CCSER1: variants seen among roughly 807,000 people sequenced by gnomAD.
CCSER1 encodes the protein serine-rich coiled-coil domain-containing protein 1.
In CCSER1, 41 loss-of-function variants were observed where a neutral mutation model predicts 82.0. The ratio of observed to expected loss-of-function variants is 0.50; its 90% CI spans 0.39 to 0.65. The LOEUF (loss-of-function observed/expected upper bound fraction) is 0.65, where lower values mean the gene tolerates loss of function less well. CCSER1 is among the 30% of genes least tolerant of loss of function. CCSER1 has a pLI of 0.00. For missense variants in CCSER1, 1,119 were observed against 1,064.2 expected (o/e 1.05, Z -0.72); for synonymous variants, 414 against 383.9 (o/e 1.08, Z -0.92).
intron 10 of CCSER1, among the ~76,000 whole-genome samples, chr4:91,262,164 G>T (rs1445256252): frequency 1.3e-5 from 2 of 152,050 alleles, no homozygotes; most frequent in African/African-American, 2.4e-5. Flanking sequence ...CAAACTATTT[G>T]GGTTCGAATC....
intron 5 of CCSER1, among the ~76,000 whole-genome samples, chr4:90,519,552 G>T (rs945073675): frequency 6.6e-6 from 1 of 151,636 alleles, no homozygotes; most frequent in African/African-American, 2.4e-5. Flanking sequence ...TTTTTGAATT[G>T]GTATTAATAC....
intron 5 of CCSER1, among the ~76,000 whole-genome samples, chr4:90,587,997 G>A (rs1243276348): frequency 2.0e-5 from 3 of 152,172 alleles, no homozygotes; most frequent in Non-Finnish European, 2.9e-5. Flanking sequence ...TCTATTAAAT[G>A]TGCGATAGCA....
chr4:91,085,308 A>G (rs967328556), intron 9 of CCSER1, among the ~76,000 whole-genome samples: 5 of 152,122 alleles, frequency 3.3e-5, no homozygotes. Context: ...AATTTATCAG[A>G]TTAGAGCAAA....
chr4:90,570,732 C>G (rs1299787309), intron 5 of CCSER1, among the ~76,000 whole-genome samples: 3 of 152,166 alleles, frequency 2.0e-5, no homozygotes. Flanking sequence ...GGTCTCCACA[C>G]TGGAGCACTG....
At chr4:91,317,849 G>T (rs1316435906) in intron 10 of CCSER1, among the ~76,000 whole-genome samples, 1 of 151,874 alleles carries the variant, frequency 6.6e-6, no homozygotes, top group Non-Finnish European at 1.5e-5. Context: ...GGGGCTTACT[G>T]AAAATTATAA....
chr4:90,978,844 A>G lies in CCSER1; in HGVS notation c.2172+55397A>G, dbSNP rs538449362. Among the ~76,000 whole-genome samples, 43 of 151,920 alleles carry G rather than the reference A, an allele frequency of 2.8e-4. No homozygotes were observed. In the South Asian group the frequency reaches 7.7e-3, roughly 27 times the overall value. On this transcript the variant is annotated intron_variant, in intron 9 of 10. Transcript: ENST00000509176. ...GCTTGTGTGATGAAGCTCAGCTCCT[A>G]TAAAATTTCACTTCAAAAACAGCCC...
chr4:91,419,050 A>G (rs571813995), intron 10 of CCSER1, among the ~76,000 whole-genome samples: 2 of 152,104 alleles, frequency 1.3e-5, no homozygotes, highest in Middle Eastern at 3.4e-3. Flanking sequence ...CACGATAACA[A>G]CTGTCAACAA....
chr4:90,906,284 A>T (rs1184133212), intron 8 of CCSER1, among the ~76,000 whole-genome samples: 1 of 152,144 alleles, frequency 6.6e-6, no homozygotes, highest in African/African-American at 2.4e-5. Flanking sequence ...CATGGCACTC[A>T]GAATTTCTTG....
chr4:90,932,217 G>T (rs1729910967), intron 9 of CCSER1, among the ~76,000 whole-genome samples: 1 of 152,046 alleles, frequency 6.6e-6, no homozygotes, highest in Non-Finnish European at 1.5e-5. Flanking sequence ...ATACCAAAAA[G>T]AATGTAATTT....
intron 10 of CCSER1, among the ~76,000 whole-genome samples, chr4:91,216,555 C>A (rs1045542409): frequency 2.0e-5 from 3 of 152,076 alleles, no homozygotes; most frequent in Admixed American, 1.3e-4. Context: ...CTCCTGACTT[C>A]GTGATCCACC....
At chr4:91,505,978 C>A (rs1759462825) in intron 10 of CCSER1, among the ~76,000 whole-genome samples, 1 of 152,082 alleles carries the variant, frequency 6.6e-6, no homozygotes, top group South Asian at 2.1e-4. Context: ...GTTGCAATTG[C>A]TTTTGATGTT....
In CCSER1 at chr4:90,757,759, G is replaced by A. The variant is rs193017710; in HGVS notation, c.2010+33768G>A. The stretch of plus-strand genomic sequence containing the variant: ...TGCTTCAAACTCAGTTTTAACAGTA[G>A]GGAAGTAAGCCAAGGAGCACATCAA... On this transcript the variant is annotated intron_variant, in intron 7 of 10. Transcript: ENST00000509176. Among the ~76,000 whole-genome samples, 10 of 152,114 alleles carry A rather than the reference G, an allele frequency of 6.6e-5. No homozygotes were observed. The East Asian group carries it at 9.7e-4, about 15-fold the overall frequency.
At chr4:90,505,175 G>T (rs546121405) in intron 5 of CCSER1, among the ~76,000 whole-genome samples, 11 of 152,166 alleles carry the variant, frequency 7.2e-5, no homozygotes, top group Non-Finnish European at 1.6e-4. Context: ...AAGTAAAATT[G>T]CCAGTTATTA....
intron 6 of CCSER1, among the ~76,000 whole-genome samples, chr4:90,658,747 G>A (rs553635345): frequency 5.8e-4 from 88 of 152,180 alleles, no homozygotes; most frequent in African/African-American, 1.2e-3. Flanking sequence ...ACAGCTGTGC[G>A]TGTAAAGAAT....
intron 5 of CCSER1, among the ~76,000 whole-genome samples, chr4:90,603,327 G>A (rs951610369): frequency 3.9e-5 from 6 of 152,176 alleles, no homozygotes; most frequent in Non-Finnish European, 7.3e-5. Context: ...TTATCAGGAG[G>A]ATGCCTGAAA....
chr4:91,466,739 G>A (rs1756935346), intron 10 of CCSER1, among the ~76,000 whole-genome samples: 1 of 152,128 alleles, frequency 6.6e-6, no homozygotes, highest in Non-Finnish European at 1.5e-5. Context: ...AATCATAAGT[G>A]AACTCCCATT....
chr4:90,867,112 T>C (rs1019336428), intron 8 of CCSER1, among the ~76,000 whole-genome samples: 14 of 152,000 alleles, frequency 9.2e-5, no homozygotes, highest in Admixed American at 2.0e-4. Context: ...AGCTCTCCCC[T>C]CCTTTGTAGA....
intron 10 of CCSER1, among the ~76,000 whole-genome samples, chr4:91,451,138 A>T (rs2149419492): frequency 6.6e-6 from 1 of 152,150 alleles, no homozygotes; most frequent in South Asian, 2.1e-4. Context: ...GGGGAACCCC[A>T]GCTTGTTTGG....
intron 6 of CCSER1, among the ~76,000 whole-genome samples, chr4:90,711,148 T>C (rs1690384543): frequency 6.6e-6 from 1 of 152,094 alleles, no homozygotes; most frequent in South Asian, 2.1e-4. Context: ...TGTTAGTATA[T>C]AGGAATGCTA....
Sources: allele counts gnomAD v4.1 joint callset (sites outside exome capture counted in the v4.1 genomes callset), GRCh38; gene constraint gnomAD v4.1.1; transcripts MANE v1.5; gene names NCBI Gene and HGNC (gene_info 2026-07-23, HGNC 2026-07-21).